HPSE2: variants seen among roughly 807,000 people sequenced by gnomAD.
HPSE2 encodes inactive heparanase-2.
In HPSE2, 38 loss-of-function variants were observed where a neutral mutation model predicts 60.5. The ratio of observed to expected loss-of-function variants is 0.63; its 90% CI spans 0.48 to 0.82. HPSE2 has a LOEUF of 0.82. Among genes scored for constraint, HPSE2 ranks in the 40% least tolerant of loss-of-function variants. The pLI is 0.00. For missense variants in HPSE2, 713 were observed against 740.4 expected (o/e 0.96, Z 0.43); for synonymous variants, 295 against 293.2 (o/e 1.01, Z -0.06).
chr10:99,285,969 C>T, the HPSE2 span, among the ~76,000 whole-genome samples: 2 of 152,162 alleles, frequency 1.3e-5, no homozygotes, highest in African/African-American at 2.4e-5. Flanking sequence ...CACATGAAAA[C>T]GTATTCCAAT....
chr10:98,830,795 G>A (rs1415106810), intron 3 of HPSE2, among the ~76,000 whole-genome samples: 2 of 152,126 alleles, frequency 1.3e-5, no homozygotes, highest in East Asian at 1.9e-4. Flanking sequence ...GCCCTAGAGA[G>A]TATGATTCTC....
At chr10:98,716,496 C>G (rs1224639284) in intron 5 of HPSE2, among the ~76,000 whole-genome samples, 1 of 151,772 alleles carries the variant, frequency 6.6e-6, no homozygotes, top group Non-Finnish European at 1.5e-5. Context: ...TCAACCTTTT[C>G]CCATGAATCA....
chr10:99,278,321 C>T, the HPSE2 span, among the ~76,000 whole-genome samples: 1 of 151,888 alleles, frequency 6.6e-6, no homozygotes, highest in African/African-American at 2.4e-5. Flanking sequence ...TACTTATGTC[C>T]TCACAAAATA....
chr10:98,888,172 A>ACACACACACATG (rs1027260881), intron 3 of HPSE2, among the ~76,000 whole-genome samples: 2 of 149,958 alleles, frequency 1.3e-5, no homozygotes, highest in Admixed American at 1.3e-4. Flanking sequence ...ACACACACAC[A>ACACACACACATG]CATGCATGAT....
chr10:98,960,701 CTT>C lies in HPSE2; in HGVS notation c.610+183535_610+183536del. Among the ~76,000 whole-genome samples the C allele has an allele frequency of 4.5e-4, 26 of 57,556 alleles. 1 individual carries two copies. In the East Asian group the frequency reaches 9.3e-3, roughly 21 times the overall value. 37.8% of individuals were successfully genotyped at this position (57,556 alleles called of 152,430 possible). A position where few individuals can be genotyped will look rare whatever the true frequency, so the allele number is the denominator to read the frequency against. ...GAATTACAGTTAACTATGTACATTTCTTTTTTTTTTTTTTTTTTTGTTTTATT... is the reference window on the plus strand; with the variant it reads ...GAATTACAGTTAACTATGTACATTTCTTTTTTTTTTTTTTTTTGTTTTATT... On this transcript the variant is annotated intron_variant, in intron 3 of 11. Coordinates refer to ENST00000370552, the MANE Select transcript of HPSE2 (RefSeq NM_021828.5).
intron 3 of HPSE2, among the ~76,000 whole-genome samples, chr10:99,073,939 GTT>G (rs34409713): frequency 1.4e-3 from 175 of 127,880 alleles, no homozygotes; most frequent in African/African-American, 4.7e-3. Flanking sequence ...AGTTCCAAAA[GTT>G]TTTTTTTTTT....
At chr10:98,996,381 A>G (rs917311486) in intron 3 of HPSE2, among the ~76,000 whole-genome samples, 1 of 152,210 alleles carries the variant, frequency 6.6e-6, no homozygotes, top group African/African-American at 2.4e-5. Flanking sequence ...ACTTTCATAT[A>G]TTGTTGGTAA....
chr10:98,976,945 G>A (rs958482462), intron 3 of HPSE2, among the ~76,000 whole-genome samples: 6 of 152,142 alleles, frequency 3.9e-5, no homozygotes, highest in Non-Finnish European at 7.4e-5. Flanking sequence ...GAGGCAATGT[G>A]ACAGGTGGAG....
intron 6 of HPSE2, among the ~76,000 whole-genome samples, chr10:98,693,048 A>G (rs1314678877): frequency 1.3e-5 from 2 of 152,242 alleles, no homozygotes; most frequent in African/African-American, 4.8e-5. Flanking sequence ...AGACAGAAGG[A>G]GTACATACGC....
rs1160952531 is a variant in HPSE2, at chr10:98,482,736, G to A, written c.1513C>T (p.His505Tyr). 6.2e-7 allele frequency: 1 copy of A among 1,614,134 alleles called. No homozygotes were observed. Among genetic ancestry groups the A allele is most frequent in the Non-Finnish European group, 8.5e-7 (1 of 1,179,972 alleles). ...GSITLFIINL[H>Y]RSRKKIKLAG... ...AGCTTGATTTTCTTTCTTGATCGATGCAAGTTGATGATAAAAAGTGTAATG... is the reference window on the plus strand; with the variant it reads ...AGCTTGATTTTCTTTCTTGATCGATACAAGTTGATGATAAAAAGTGTAATG... The change falls in exon 11 of 12, where the codon CAT becomes TAT. Residue 505 changes from histidine (H) to tyrosine (Y), a missense_variant. His to Tyr is a moderately conservative substitution (Grantham distance 83, BLOSUM62 2). Coordinates refer to ENST00000370552, the MANE Select transcript of HPSE2 (RefSeq NM_021828.5).
intron 3 of HPSE2, among the ~76,000 whole-genome samples, chr10:99,084,508 T>G (rs1843255025): frequency 6.6e-6 from 1 of 152,152 alleles, no homozygotes; most frequent in Admixed American, 6.5e-5. Flanking sequence ...TTTCTTTTCC[T>G]TATACTCAGA....
chr10:99,186,131 C>CACACACACACAT lies in HPSE2; in HGVS notation c.449-41733_449-41732insATGTGTGTGTGT, dbSNP rs1554912922. 8.2e-3 allele frequency among the ~76,000 whole-genome samples: 1,221 copies of CACACACACACAT among 149,368 alleles called. 11 individuals carry two copies. The highest frequency in any genetic ancestry group is 0.02 in the African/African-American group (838 of 41,008). Reference sequence around the variant, plus strand: ...ACACACACACACACACACACACACACACACACACACACACACACACACAAG... The same window carrying CACACACACACAT: ...ACACACACACACACACACACACACACACACACACACATACACACACACACACACACACACAAG... On this transcript the variant is annotated intron_variant, in intron 2 of 11. Coordinates refer to ENST00000370552, the MANE Select transcript of HPSE2 (RefSeq NM_021828.5).
chr10:98,795,998 TG>T (rs1170577016), intron 3 of HPSE2, among the ~76,000 whole-genome samples: 1 of 152,190 alleles, frequency 6.6e-6, no homozygotes, highest in Non-Finnish European at 1.5e-5. Flanking sequence ...GAAGAGCCCT[TG>T]GGTCCTGAAT....
intron 9 of HPSE2, among the ~76,000 whole-genome samples, chr10:98,555,442 G>A (rs928904976): frequency 7.2e-5 from 11 of 152,080 alleles, no homozygotes; most frequent in Admixed American, 5.9e-4. Flanking sequence ...TTGCACACTC[G>A]GCTTGTCCTG....
intron 3 of HPSE2, among the ~76,000 whole-genome samples, chr10:99,090,339 T>C (rs767864577): frequency 5.3e-5 from 8 of 152,140 alleles, no homozygotes; most frequent in Non-Finnish European, 1.0e-4. Context: ...TATTATATTC[T>C]GCAGTAATTA....
intron 2 of HPSE2, among the ~76,000 whole-genome samples, chr10:99,148,903 A>G (rs557561400): frequency 6.6e-6 from 1 of 152,274 alleles, no homozygotes; most frequent in African/African-American, 2.4e-5. Context: ...ATGGAAGACT[A>G]TACACTGTTG....
intron 2 of HPSE2, among the ~76,000 whole-genome samples, chr10:99,165,242 C>T (rs12219051): frequency 0.078 from 11,817 of 152,096 alleles, 616 homozygotes; most frequent in South Asian, 0.19. Flanking sequence ...CTAACCCATA[C>T]TCCTTTAAGA....
intron 9 of HPSE2, among the ~76,000 whole-genome samples, chr10:98,578,755 C>T (rs1944709022): frequency 6.6e-6 from 1 of 152,126 alleles, no homozygotes; most frequent in Non-Finnish European, 1.5e-5. Flanking sequence ...GAGACACAAA[C>T]CGCCTTCATC....
chr10:99,112,156 A>G (rs1844487020), intron 3 of HPSE2, among the ~76,000 whole-genome samples: 1 of 152,236 alleles, frequency 6.6e-6, no homozygotes, highest in South Asian at 2.1e-4. Context: ...GCTAAAATCC[A>G]GGTCTCTCAA....
Sources: allele counts gnomAD v4.1 joint callset (sites outside exome capture counted in the v4.1 genomes callset), GRCh38; gene constraint gnomAD v4.1.1; transcripts MANE v1.5; gene names NCBI Gene and HGNC (gene_info 2026-07-23, HGNC 2026-07-21).